The following C9orf85 variants were observed in gnomAD, a reference collection of about 807,000 sequenced individuals.
The protein encoded by C9orf85 is chromosome 9 open reading frame 85, also known as uncharacterized protein C9orf85.
In C9orf85, 16 loss-of-function variants were observed where a neutral mutation model predicts 14.9. The observed-to-expected ratio is 1.08, with a 90% CI of 0.73 to 1.63. C9orf85 has a LOEUF of 1.63. Among genes scored for constraint, C9orf85 ranks in the 40% most tolerant of loss-of-function variants. The pLI, the probability that C9orf85 is intolerant of heterozygous loss-of-function variation, is 0.00. For missense variants in C9orf85, 172 were observed against 186.1 expected, an observed-to-expected ratio of 0.92 and a Z score of 0.44; for synonymous variants, 45 against 56.8, an observed-to-expected ratio of 0.79 and a Z score of 0.93.
At position 71,914,326 on chromosome 9, in the gene C9orf85, TG is replaced by T. The variant is rs113367159; in HGVS notation, c.102+2491del. 7.8e-3 allele frequency among the ~76,000 whole-genome samples: 1,173 copies of T among 150,064 alleles called. 12 individuals are homozygous for T. The highest frequency in any genetic ancestry group is 0.023 in the African/African-American group (952 of 41,026). On this transcript the variant is annotated intron_variant, in intron 1 of 3. Coordinates refer to ENST00000334731, the MANE Select transcript of C9orf85 (RefSeq NM_182505.5). Reference sequence around the variant, plus strand: ...CTTAAAACATTATGAGATTTTTTTGTGATTTTTTTTTTTTTAAGCTCATCAG... The same window carrying T: ...CTTAAAACATTATGAGATTTTTTTGTATTTTTTTTTTTTTAAGCTCATCAG...
intron 2 of C9orf85, among the ~76,000 whole-genome samples, chr9:71,968,095 T>TAC (rs1278553423): frequency 6.7e-5 from 1 of 14,928 alleles, no homozygotes; most frequent in African/African-American, 1.7e-4. Flanking sequence ...TGCATATATA[T>TAC]ATATATAGAG....
downstream of C9orf85, among the ~76,000 whole-genome samples, chr9:71,974,312 C>T (rs562075543): frequency 2.1e-4 from 31 of 149,866 alleles, no homozygotes; most frequent in South Asian, 2.7e-3. Context: ...GGCATGATCT[C>T]GGTTCACTGC....
At chr9:71,959,887 G>A (rs1179527414) in intron 2 of C9orf85, among the ~76,000 whole-genome samples, 1 of 152,224 alleles carries the variant, frequency 6.6e-6, no homozygotes, top group African/African-American at 2.4e-5. Context: ...TGTTAAAGAT[G>A]ACAGATAGGA....
intron 1 of C9orf85, among the ~76,000 whole-genome samples, chr9:71,917,710 T>C (rs13283858): frequency 0.13 from 19,735 of 152,150 alleles, 1,384 homozygotes; most frequent in Admixed American, 0.17. Context: ...CAAAAGAGCA[T>C]ACTATGTGAT....
chr9:71,963,118 T>C, intron 2 of C9orf85, among the ~76,000 whole-genome samples: 1 of 152,224 alleles, frequency 6.6e-6, no homozygotes, highest in Non-Finnish European at 1.5e-5. Flanking sequence ...AAGCGTTTTT[T>C]GTTTTTTAAC....
In C9orf85 at chr9:71,927,283, A is replaced by T. The variant is rs1370792608; in HGVS notation, c.102+15447A>T. Reference sequence around the variant, plus strand: ...AAGTTTGTCAAAAAAAAAAAAAAAAAAAGTATACATTTAGGGGTGTACTCC... The same window carrying T: ...AAGTTTGTCAAAAAAAAAAAAAAAATAAGTATACATTTAGGGGTGTACTCC... On this transcript the variant is annotated intron_variant, in intron 1 of 3. Transcript: ENST00000334731. Among the ~76,000 whole-genome samples the T allele has an allele frequency of 3.7e-3, 566 of 151,550 alleles. 1 individual carries two copies. The highest frequency in any genetic ancestry group is 0.013 in the African/African-American group (542 of 41,446).
intron 1 of C9orf85, among the ~76,000 whole-genome samples, chr9:71,934,324 C>T (rs1224276397): frequency 6.6e-6 from 1 of 152,010 alleles, no homozygotes; most frequent in Non-Finnish European, 1.5e-5. Context: ...AAAACAAACA[C>T]TGTCTCAAAA....
chr9:71,974,432 C>T (rs547857766), downstream of C9orf85, among the ~76,000 whole-genome samples: 9 of 151,788 alleles, frequency 5.9e-5, no homozygotes, highest in Non-Finnish European at 7.4e-5. Flanking sequence ...TTAGTAGAGA[C>T]GAAGTTTCAC....
chr9:71,973,122 G>C lies in C9orf85; in HGVS notation c.*280G>C, dbSNP rs951137033. 5.9e-6 allele frequency: 1 copy of C among 170,534 alleles called. No homozygotes were observed. Among genetic ancestry groups the C allele is most frequent in the Non-Finnish European group, 1.3e-5 (1 of 79,840 alleles). 10.6% of individuals were successfully genotyped at this position (170,534 alleles called of 1,614,324 possible). On this transcript the variant is annotated 3_prime_UTR_variant, in exon 4 of 4. Coordinates refer to ENST00000334731, the MANE Select transcript of C9orf85 (RefSeq NM_182505.5). ...TTCGTGCCATTACACTCCAGCCTGGGTGACAGAGTGAGACTCTGTCTCAAA... is the reference window on the plus strand; with the variant it reads ...TTCGTGCCATTACACTCCAGCCTGGCTGACAGAGTGAGACTCTGTCTCAAA...
intron 2 of C9orf85, among the ~76,000 whole-genome samples, chr9:71,963,392 C>T (rs1032446189): frequency 6.6e-6 from 1 of 152,012 alleles, no homozygotes; most frequent in Non-Finnish European, 1.5e-5. Flanking sequence ...TCCTCACAGC[C>T]CTCGCTCGCT....
intron 2 of C9orf85, among the ~76,000 whole-genome samples, chr9:71,947,955 G>C (rs73475912): frequency 0.012 from 1,836 of 152,268 alleles, 31 homozygotes; most frequent in African/African-American, 0.042. Flanking sequence ...CTTAACTCTT[G>C]TGTAATTCTG....
intron 1 of C9orf85, among the ~76,000 whole-genome samples, chr9:71,920,113 T>G (rs1366830498): frequency 6.6e-6 from 1 of 152,180 alleles, no homozygotes; most frequent in African/African-American, 2.4e-5. Context: ...CCTCCCAAAG[T>G]GTCAGGATTA....
At chr9:71,958,131 G>T (rs190925511) in intron 2 of C9orf85, among the ~76,000 whole-genome samples, 2,018 of 151,526 alleles carry the variant, frequency 0.013, 25 homozygotes, top group Middle Eastern at 0.045. Flanking sequence ...CAGGAAGCTG[G>T]TGTTGTTTGG....
chr9:71,962,167 AAAAAT>A (rs1411323565), intron 2 of C9orf85, among the ~76,000 whole-genome samples: 1 of 152,226 alleles, frequency 6.6e-6, no homozygotes, highest in African/African-American at 2.4e-5. Context: ...CCCTGTCTCA[AAAAAT>A]AAAATTAAGA....
chr9:71,976,198 G>C (rs1362351162), downstream of C9orf85, among the ~76,000 whole-genome samples: 1 of 152,160 alleles, frequency 6.6e-6, no homozygotes, highest in Non-Finnish European at 1.5e-5. Flanking sequence ...TGAGATGAAG[G>C]CTTTGTTTTG....
chr9:71,919,859 CTT>C (rs755382234), intron 1 of C9orf85, among the ~76,000 whole-genome samples: 5 of 141,964 alleles, frequency 3.5e-5, no homozygotes, highest in Non-Finnish European at 3.1e-5. Context: ...TTCTTTTTTT[CTT>C]TTTTTTTTTT....
chr9:71,937,640 T>A (rs1334084792), intron 1 of C9orf85, among the ~76,000 whole-genome samples: 1 of 152,162 alleles, frequency 6.6e-6, no homozygotes, highest in Non-Finnish European at 1.5e-5. Flanking sequence ...TCTCAGTTTG[T>A]TATTGGTGTT....
chr9:71,917,471 T>C (rs1209696386), intron 1 of C9orf85, among the ~76,000 whole-genome samples: 1 of 152,230 alleles, frequency 6.6e-6, no homozygotes, highest in Non-Finnish European at 1.5e-5. Flanking sequence ...TTAGTTATGA[T>C]TGCATTTATA....
chr9:71,935,876 AT>A (rs1828176508), intron 1 of C9orf85, among the ~76,000 whole-genome samples: 3 of 139,626 alleles, frequency 2.1e-5, no homozygotes, highest in African/African-American at 8.0e-5. Flanking sequence ...AAGTTGGTAA[AT>A]TTTATGCTCT....
Sources: gnomAD v4.1 joint callset for allele counts (sites outside exome capture counted in the v4.1 genomes callset) on GRCh38, gnomAD v4.1.1 for gene constraint, MANE v1.5 for transcripts, NCBI Gene and HGNC (gene_info 2026-07-23, HGNC 2026-07-21) for gene names.